TRIM33: variants seen among roughly 807,000 people sequenced by gnomAD.
TRIM33 encodes tripartite motif containing 33, also known as E3 ubiquitin-protein ligase TRIM33.
TRIM33 carries 20 observed loss-of-function variants against 125.4 expected under a neutral mutation model. The ratio of observed to expected loss-of-function variants is 0.16; its 90% CI spans 0.11 to 0.23. The LOEUF (loss-of-function observed/expected upper bound fraction) is 0.23, where lower values mean the gene tolerates loss of function less well. Among genes scored for constraint, TRIM33 ranks in the 10% least tolerant of loss-of-function variants. TRIM33 has a pLI of 1.00. For synonymous variants in TRIM33, 564 were observed against 513.9 expected (o/e 1.10, Z -1.32); for missense variants, 920 against 1,411.4 (o/e 0.65, Z 5.58).
chr1:114,410,227 C>G lies in TRIM33; in HGVS notation c.2151G>C (p.Met717Ile), dbSNP rs1241491604. 6.2e-7 allele frequency: 1 copy of G among 1,614,012 alleles called. No individual in the cohort carries two copies. Among genetic ancestry groups the G allele is most frequent in the East Asian group, 2.2e-5 (1 of 44,876 alleles). Reference protein sequence around the residue: ...SHLPPQPTSTMNPSPGPSALS... With the variant: ...SHLPPQPTSTINPSPGPSALS... Reference sequence around the variant, plus strand: ...GGGCAGAGGGACCTGGAGAAGGATTCATGGTGCTTGTAGGCTGTGGGGGTA... The same window carrying G: ...GGGCAGAGGGACCTGGAGAAGGATTGATGGTGCTTGTAGGCTGTGGGGGTA... Residue 717 changes from methionine (M) to isoleucine (I), a missense_variant, in exon 12 of 20, where the codon ATG becomes ATC. Met to Ile is a conservative substitution (Grantham distance 10). Coordinates refer to ENST00000358465, the MANE Select transcript of TRIM33 (RefSeq NM_015906.4).
At chr1:114,472,684 G>A (rs1317206223) in intron 1 of TRIM33, among the ~76,000 whole-genome samples, 1 of 152,082 alleles carries the variant, frequency 6.6e-6, no homozygotes, top group Admixed American at 6.6e-5. Flanking sequence ...AGCAGTGATT[G>A]GGCCACTGGG....
chr1:114,464,425 C>A, intron 1 of TRIM33, 37 bp from the exon 2 acceptor site: 1 of 1,257,432 alleles, frequency 8.0e-7, no homozygotes, highest in South Asian at 1.3e-5. Flanking sequence ...AAATATTCTT[C>A]AGGAATAAAG....
chr1:114,429,767 A>G (rs1647825985), intron 6 of TRIM33, among the ~76,000 whole-genome samples: 1 of 152,194 alleles, frequency 6.6e-6, no homozygotes, highest in Non-Finnish European at 1.5e-5. Flanking sequence ...ATCTTCAATC[A>G]GAAAATATTT....
chr1:114,410,173 G>A lies in TRIM33; in HGVS notation c.2194+11C>T, dbSNP rs555411239. The A allele has an allele frequency of 9.9e-6, 16 of 1,613,576 alleles. No individual in the cohort carries two copies. The highest frequency in any genetic ancestry group is 5.5e-5 in the South Asian group (5 of 91,060). The stretch of plus-strand genomic sequence containing the variant: ...GGTGTTAAAAAATAAGGTAATACCC[G>A]TTTGCTTTACCTGATGATCCCGGAG... On this transcript the variant is annotated intron_variant, in intron 12 of 19. Coordinates refer to ENST00000358465, the MANE Select transcript of TRIM33 (RefSeq NM_015906.4).
intron 1 of TRIM33, chr1:114,468,237 C>A: frequency 4.4e-6 from 1 of 226,422 alleles, no homozygotes; most frequent in Non-Finnish European, 8.7e-6. Context: ...GAGGTAACAG[C>A]AGGAGCAGCG....
At chr1:114,500,669 G>A (rs1262416604) in intron 1 of TRIM33, among the ~76,000 whole-genome samples, 2 of 149,652 alleles carry the variant, frequency 1.3e-5, no homozygotes, top group African/African-American at 4.9e-5. Flanking sequence ...GATGACCAAG[G>A]TATACGTAGA....
intron 1 of TRIM33, among the ~76,000 whole-genome samples, chr1:114,481,506 G>A (rs1024230475): frequency 5.3e-5 from 8 of 150,530 alleles, no homozygotes; most frequent in Non-Finnish European, 5.9e-5. Flanking sequence ...CAGGAGAATC[G>A]CCTGAATCTG....
At chr1:114,503,943 C>T in intron 1 of TRIM33, among the ~76,000 whole-genome samples, 1 of 152,308 alleles carries the variant, frequency 6.6e-6, no homozygotes, top group Non-Finnish European at 1.5e-5. Flanking sequence ...TACTCTTCTT[C>T]CACTTTCTTC....
At chr1:114,474,212 C>T (rs1200893448) in intron 1 of TRIM33, among the ~76,000 whole-genome samples, 1 of 151,960 alleles carries the variant, frequency 6.6e-6, no homozygotes, top group African/African-American at 2.4e-5. Flanking sequence ...AGAAACACAC[C>T]GTAAATCAAA....
At chr1:114,510,499 G>A in intron 1 of TRIM33, 52 bp downstream of exon 1, 2 of 1,435,110 alleles carry the variant, frequency 1.4e-6, no homozygotes. Context: ...AGCTCCTCTA[G>A]GGTTGCGCAA....
intron 1 of TRIM33, among the ~76,000 whole-genome samples, chr1:114,470,052 T>G (rs1359735036): frequency 6.6e-6 from 1 of 152,248 alleles, no homozygotes; most frequent in Non-Finnish European, 1.5e-5. Flanking sequence ...GCCACATATG[T>G]GCACATACAA....
At position 114,440,758 on chromosome 1, in the gene TRIM33, A is replaced by C. The variant is rs935966850; in HGVS notation, c.924-7025T>G. ...CCCTGTTTTGCATTTTCAATGTAAA[A>C]AAAGGGGGGGAATACAAACATTAAG... On this transcript the variant is annotated intron_variant, in intron 4 of 19. Transcript: ENST00000358465. 4.6e-5 allele frequency among the ~76,000 whole-genome samples: 7 copies of C among 152,280 alleles called. No individual in the cohort carries two copies. The East Asian group carries it at 1.4e-3, about 29-fold the overall frequency.
At chr1:114,469,135 C>G (rs938176111) in intron 1 of TRIM33, 2 of 208,116 alleles carry the variant, frequency 9.6e-6, no homozygotes, top group Non-Finnish European at 1.9e-5. Flanking sequence ...ACTTTTCACA[C>G]ATGCTGATCA....
chr1:114,400,865 A>G (rs977667331), intron 17 of TRIM33, among the ~76,000 whole-genome samples: 10 of 152,294 alleles, frequency 6.6e-5, no homozygotes, highest in African/African-American at 2.2e-4. Flanking sequence ...ACAAAACTCA[A>G]TGACTATAGA....
intron 14 of TRIM33, among the ~76,000 whole-genome samples, chr1:114,406,697 C>G (rs1443974800): frequency 4.6e-5 from 7 of 152,112 alleles, no homozygotes; most frequent in Non-Finnish European, 1.0e-4. Context: ...AGAATATTGA[C>G]TAAATACAAA....
At chr1:114,456,193 C>G (rs1205970956) in intron 4 of TRIM33, among the ~76,000 whole-genome samples, 1 of 152,144 alleles carries the variant, frequency 6.6e-6, no homozygotes, top group Non-Finnish European at 1.5e-5. Context: ...ATATTGAAAA[C>G]AGAAAGCACG....
intron 1 of TRIM33, among the ~76,000 whole-genome samples, chr1:114,476,629 CAT>C (rs774903727): frequency 1.8e-4 from 28 of 151,652 alleles, no homozygotes; most frequent in Admixed American, 9.8e-4. Flanking sequence ...GAGAAAAAAA[CAT>C]AGAGAAGTCA....
At chr1:114,489,590 T>A (rs1020894935) in intron 1 of TRIM33, among the ~76,000 whole-genome samples, 1 of 149,366 alleles carries the variant, frequency 6.7e-6, no homozygotes, top group African/African-American at 2.5e-5. Flanking sequence ...CAAAAAAAAA[T>A]AAAAACATTA....
At chr1:114,484,833 C>A (rs1456576984) in intron 1 of TRIM33, among the ~76,000 whole-genome samples, 3 of 151,812 alleles carry the variant, frequency 2.0e-5, no homozygotes, top group African/African-American at 7.3e-5. Context: ...CCACTGCACT[C>A]CAGCCTGGAT....
Sources: gnomAD v4.1 joint callset for allele counts (sites outside exome capture counted in the v4.1 genomes callset) on GRCh38, gnomAD v4.1.1 for gene constraint, MANE v1.5 for transcripts, NCBI Gene and HGNC (gene_info 2026-07-23, HGNC 2026-07-21) for gene names.